Variants in REPS1 observed in about 807,000 individuals in gnomAD.
The protein encoded by REPS1 is RALBP1 associated Eps domain containing 1, also known as ralBP1-associated Eps domain-containing protein 1.
REPS1 carries 39 observed loss-of-function variants against 100.9 expected under a neutral mutation model. The observed-to-expected ratio is 0.39, with a 90% CI of 0.30 to 0.50. The LOEUF is 0.50. Ranked by LOEUF, REPS1 falls within the 20% of genes least tolerant of loss-of-function variation. REPS1 has a pLI of 0.86. For missense variants in REPS1, 821 were observed against 968.5 expected (o/e 0.85, Z 2.02); for synonymous variants, 324 against 340.3 (o/e 0.95, Z 0.53).
intron 13 of REPS1, among the ~76,000 whole-genome samples, chr6:138,916,669 A>C (rs539399466): frequency 3.6e-4 from 55 of 152,290 alleles, no homozygotes; most frequent in African/African-American, 1.2e-3. Context: ...CTTTCAACCT[A>C]TTAAGTTCTG....
intron 1 of REPS1, among the ~76,000 whole-genome samples, chr6:138,975,487 C>T (rs1415504365): frequency 6.6e-6 from 1 of 152,198 alleles, no homozygotes; most frequent in Admixed American, 6.5e-5. Context: ...CAAGATTCCA[C>T]AAATTCTGTG....
Position 138,969,360 on chromosome 6 carries a change from C to T in REPS1, c.153+18170G>A, listed in dbSNP as rs145732185. On this transcript the variant is annotated intron_variant, in intron 1 of 19. Transcript: ENST00000450536. ...AGGCTGGAGTGCAGTGGTGCAATCT[C>T]GGCTCACTGCATCCTCAACCTCCTT... 4.1e-3 allele frequency among the ~76,000 whole-genome samples: 581 copies of T among 141,442 alleles called. 6 individuals carry two copies. The highest frequency in any genetic ancestry group is 0.014 in the African/African-American group (538 of 37,732). The allele number at this position is 141,442 out of a possible 152,430, so 92.8% of individuals were successfully genotyped here.
intron 18 of REPS1, among the ~76,000 whole-genome samples, 156 bp downstream of exon 18, chr6:138,908,512 G>T (rs1256144238): frequency 6.6e-6 from 1 of 152,150 alleles, no homozygotes; most frequent in Non-Finnish European, 1.5e-5. Flanking sequence ...GGTCAGGCTG[G>T]TCTAACTCCT....
intron 15 of REPS1, among the ~76,000 whole-genome samples, chr6:138,913,858 T>C (rs935964930): frequency 1.3e-5 from 2 of 152,206 alleles, no homozygotes; most frequent in African/African-American, 4.8e-5. Flanking sequence ...CCCCAATAAA[T>C]TCCACTTTAT....
intron 10 of REPS1, among the ~76,000 whole-genome samples, chr6:138,921,852 GGCGT>G (rs1780786114): frequency 6.6e-6 from 1 of 152,068 alleles, no homozygotes; most frequent in African/African-American, 2.4e-5. Flanking sequence ...TGGGATTACA[GGCGT>G]GAGCCACTGC....
intron 1 of REPS1, among the ~76,000 whole-genome samples, chr6:138,957,334 G>A (rs1315010710): frequency 6.6e-6 from 1 of 152,164 alleles, no homozygotes; most frequent in Admixed American, 6.6e-5. Flanking sequence ...ATATCGAGTA[G>A]ACTAGAATGA....
chr6:138,909,270 CATT>C (rs1236304402), intron 17 of REPS1, among the ~76,000 whole-genome samples: 1 of 152,128 alleles, frequency 6.6e-6, no homozygotes, highest in African/African-American at 2.4e-5. Flanking sequence ...CCAAAAACAT[CATT>C]ATTAATATGC....
chr6:138,906,252 A>G (rs1713953587), intron 19 of REPS1, among the ~76,000 whole-genome samples: 1 of 152,214 alleles, frequency 6.6e-6, no homozygotes, highest in Non-Finnish European at 1.5e-5. Context: ...CATTCAGTAG[A>G]TGTTTATCAA....
chr6:138,971,370 A>G (rs1784334744), intron 1 of REPS1, among the ~76,000 whole-genome samples: 1 of 152,148 alleles, frequency 6.6e-6, no homozygotes, highest in Non-Finnish European at 1.5e-5. Context: ...TGAGTGTACC[A>G]TGACTCAACC....
At chr6:138,952,985 G>A (rs1371420135) in intron 1 of REPS1, among the ~76,000 whole-genome samples, 2 of 151,676 alleles carry the variant, frequency 1.3e-5, no homozygotes, top group Non-Finnish European at 2.9e-5. Flanking sequence ...TTACAGGCAC[G>A]TGCCACCACA....
At chr6:138,924,574 T>G (rs1780982026) in intron 10 of REPS1, among the ~76,000 whole-genome samples, 1 of 152,186 alleles carries the variant, frequency 6.6e-6, no homozygotes, top group Non-Finnish European at 1.5e-5. Flanking sequence ...CACTATTTTT[T>G]AAGGGTTAGA....
chr6:138,947,045 T>TCTCTTG (rs1210994590), intron 2 of REPS1, among the ~76,000 whole-genome samples: 75 of 120,770 alleles, frequency 6.2e-4, no homozygotes, highest in African/African-American at 2.8e-3. Flanking sequence ...GCTCTCTCTC[T>TCTCTTG]CTCTCTCTCT....
At chr6:138,926,246 CT>C in intron 10 of REPS1, among the ~76,000 whole-genome samples, 154 bp downstream of exon 10, 1 of 152,288 alleles carries the variant, frequency 6.6e-6, no homozygotes. Context: ...CAAAAAATGT[CT>C]TTCCCACCAT....
chr6:138,955,745 A>G (rs1171201154), intron 1 of REPS1, among the ~76,000 whole-genome samples: 2 of 152,136 alleles, frequency 1.3e-5, no homozygotes, highest in Non-Finnish European at 2.9e-5. Context: ...TAACACCTGT[A>G]CAGATCAACA....
At chr6:138,967,840 A>G (rs1193989704) in intron 1 of REPS1, among the ~76,000 whole-genome samples, 1 of 152,174 alleles carries the variant, frequency 6.6e-6, no homozygotes, top group Non-Finnish European at 1.5e-5. Flanking sequence ...TGTTCCTGGT[A>G]CTTTATGAAT....
At chr6:138,931,432 C>A (rs148651737) in intron 8 of REPS1, among the ~76,000 whole-genome samples, 17 of 152,240 alleles carry the variant, frequency 1.1e-4, no homozygotes, top group Non-Finnish European at 2.4e-4. Flanking sequence ...TGAAAAAGTT[C>A]TCCAAATGTC....
rs757129705 is a variant in REPS1, at chr6:138,943,859, T to C, written c.910A>G (p.Ile304Val). ...TCTGTTTTCAACAACTCACCTGGAATAAATCCGTTTAGATCAGGCTGAATG... is the reference window on the plus strand; with the variant it reads ...TCTGTTTTCAACAACTCACCTGGAACAAATCCGTTTAGATCAGGCTGAATG... Reference protein sequence around the residue: ...KTIQPDLNGFIPGSAAKEFFT... With the variant: ...KTIQPDLNGFVPGSAAKEFFT... Residue 304 changes from isoleucine (I) to valine (V), a missense_variant, in exon 6 of 20, where the codon ATT becomes GTT. Transcript: ENST00000450536. 6.2e-7 allele frequency: 1 copy of C among 1,612,474 alleles called. No homozygotes were observed. Among genetic ancestry groups the C allele is most frequent in the South Asian group, 1.1e-5 (1 of 90,872 alleles).
chr6:138,936,684 G>A (rs751969231), intron 8 of REPS1, among the ~76,000 whole-genome samples: 159 of 149,158 alleles, frequency 1.1e-3, no homozygotes, highest in African/African-American at 1.8e-3. Flanking sequence ...GCATTAGTGC[G>A]TATTTTCATT....
At chr6:138,953,215 T>C (rs1783155981) in intron 1 of REPS1, among the ~76,000 whole-genome samples, 1 of 152,070 alleles carries the variant, frequency 6.6e-6, no homozygotes, top group African/African-American at 2.4e-5. Flanking sequence ...AATACCTAAA[T>C]ATAGCACCCA....
Sources: allele counts gnomAD v4.1 joint callset (sites outside exome capture counted in the v4.1 genomes callset), GRCh38; gene constraint gnomAD v4.1.1; transcripts MANE v1.5; gene names NCBI Gene and HGNC (gene_info 2026-07-23, HGNC 2026-07-21).